The following NOTCH2 variants were observed in gnomAD, a reference collection of about 807,000 sequenced individuals.
NOTCH2 encodes neurogenic locus notch homolog protein 2.
Under a neutral mutation model 235.8 loss-of-function variants are expected in NOTCH2, and 29 were observed. The ratio of observed to expected loss-of-function variants is 0.12; its 90% CI spans 0.09 to 0.17. The LOEUF (loss-of-function observed/expected upper bound fraction) is 0.17. NOTCH2 is among the 10% of genes least tolerant of loss of function. NOTCH2 has a pLI of 1.00. For missense variants in NOTCH2, 2,285 were observed against 3,150.2 expected (o/e 0.73, Z 6.57); for synonymous variants, 1,086 against 1,141.5 (o/e 0.95, Z 0.98).
chr1:120,011,739 G>A (rs1690023), intron 2 of NOTCH2, among the ~76,000 whole-genome samples: 285 of 144,430 alleles, frequency 2.0e-3, no homozygotes, highest in African/African-American at 5.6e-3. Context: ...CAGCTAGGCC[G>A]GGCGCGGTGG....
At chr1:119,934,795 T>A (rs1001775104) in intron 22 of NOTCH2, among the ~76,000 whole-genome samples, 1 of 152,206 alleles carries the variant, frequency 6.6e-6, no homozygotes, top group Admixed American at 6.5e-5. Flanking sequence ...GGCCCCAGCA[T>A]AACTACATCC....
chr1:119,941,723 A>G lies in NOTCH2; in HGVS notation c.2784T>C (p.Asp928=). ...AGAGGCAGGAGAAAGTATTCACTCC[A>G]TCCATACAGGAACCTCCATTCTGGC... is the stretch of plus-strand genomic sequence containing the variant. ...NPCQNGGSCM[D]GVNTFSCLCL... Residue 928 remains aspartate, a synonymous_variant, in exon 18 of 34, where the codon GAT becomes GAC. Transcript: ENST00000256646. The G allele has an allele frequency of 6.2e-7, 1 of 1,614,112 alleles. No individual in the cohort carries two copies. Among genetic ancestry groups the G allele is most frequent in the South Asian group, 1.1e-5 (1 of 91,080 alleles).
At chr1:120,063,686 AAAAC>A (rs1484936108) in intron 1 of NOTCH2, among the ~76,000 whole-genome samples, 5 of 152,172 alleles carry the variant, frequency 3.3e-5, no homozygotes, top group Non-Finnish European at 7.3e-5. Context: ...ATACTCTCAA[AAAAC>A]AAACAAACAA....
chr1:120,048,190 G>A (rs1229052837), intron 1 of NOTCH2, among the ~76,000 whole-genome samples: 3 of 140,186 alleles, frequency 2.1e-5, no homozygotes, highest in African/African-American at 8.4e-5. Context: ...GTGACCTACA[G>A]TGAGAAATAT....
At chr1:119,972,409 T>C (rs77542178) in intron 5 of NOTCH2, among the ~76,000 whole-genome samples, 1,706 of 152,330 alleles carry the variant, frequency 0.011, 15 homozygotes, top group Non-Finnish European at 0.018. Context: ...ATTATACTTA[T>C]GCTAACTCAA....
intron 5 of NOTCH2, among the ~76,000 whole-genome samples, chr1:119,970,507 A>G (rs587605896): frequency 3.7e-4 from 57 of 152,308 alleles, no homozygotes; most frequent in African/African-American, 1.3e-3. Flanking sequence ...AAGTCCACCC[A>G]ATGTACTAGG....
intron 12 of NOTCH2, 59 bp from the exon 13 acceptor site, chr1:119,955,291 A>G (rs1650645892): frequency 6.5e-7 from 1 of 1,536,256 alleles, no homozygotes; most frequent in East Asian, 2.2e-5. Flanking sequence ...TAGACCCAGA[A>G]CTATAAGACA....
intron 1 of NOTCH2, among the ~76,000 whole-genome samples, chr1:120,033,369 C>A: frequency 9.2e-6 from 1 of 109,012 alleles, no homozygotes; most frequent in Non-Finnish European, 1.8e-5. Context: ...CGAGATTGCT[C>A]CACTGCACTC....
intron 13 of NOTCH2, among the ~76,000 whole-genome samples, chr1:119,954,340 G>A (rs1650600787): frequency 6.6e-6 from 1 of 152,150 alleles, no homozygotes; most frequent in Non-Finnish European, 1.5e-5. Flanking sequence ...TGCCTTGAAG[G>A]CTGCTATACT....
rs754686107 is a variant in NOTCH2, at chr1:119,923,884, G to C, written c.4612C>G (p.Gln1538Glu). The stretch of plus-strand genomic sequence containing the variant: ...GTACCTTCTGCCAGGTTCTCAGGTT[G>C]GTCAGCAGCACAGTCCAGCCCATCC... Reference protein sequence around the residue: ...GWDGLDCAADQPENLAEGTLV... With the variant: ...GWDGLDCAADEPENLAEGTLV... The change falls in exon 26 of 34, where the codon CAA (glutamine) becomes GAA (glutamate). Residue 1538 changes from glutamine (Q) to glutamate (E), a missense_variant. Physicochemically the swap from Gln to Glu is conservative, Grantham distance 29. Around this residue, in one of 6 missense-constraint regions of NOTCH2, gnomAD observed 1,173 missense variants for 1,515.3 expected, o/e 0.77. Coordinates refer to ENST00000256646, the MANE Select transcript of NOTCH2 (RefSeq NM_024408.4). 2 of 1,614,154 alleles carry C rather than the reference G, an allele frequency of 1.2e-6. No individual in the cohort carries two copies. Among genetic ancestry groups the C allele is most frequent in the Non-Finnish European group, 1.7e-6 (2 of 1,180,018 alleles).
intron 4 of NOTCH2, among the ~76,000 whole-genome samples, chr1:119,987,725 C>T (rs1333877373): frequency 3.9e-5 from 6 of 152,164 alleles, no homozygotes; most frequent in African/African-American, 1.4e-4. Flanking sequence ...ATAAGTGCCA[C>T]ATCATGAGTA....
intron 21 of NOTCH2, among the ~76,000 whole-genome samples, chr1:119,936,391 A>G (rs1570672832): frequency 2.0e-5 from 3 of 152,218 alleles, no homozygotes; most frequent in Admixed American, 2.0e-4. Context: ...GTATGGCCCC[A>G]GGGTATATCT....
chr1:119,998,829 TC>T (rs1553204757), intron 3 of NOTCH2, among the ~76,000 whole-genome samples: 1 of 142,492 alleles, frequency 7.0e-6, no homozygotes, highest in African/African-American at 2.7e-5. Context: ...CCTAATGCTA[TC>T]CCTCCCCCGT....
chr1:119,923,552 T>A, intron 26 of NOTCH2, 85 bp downstream of exon 26: 1 of 1,183,474 alleles, frequency 8.4e-7, no homozygotes, highest in East Asian at 2.3e-5. Flanking sequence ...TTTGCATTTC[T>A]ATAGGTTGAG....
chr1:119,919,637 A>C, intron 30 of NOTCH2, 24 bp from the exon 31 acceptor site: 1 of 1,610,656 alleles, frequency 6.2e-7, no homozygotes, highest in Non-Finnish European at 8.5e-7. Context: ...AAATTCCATA[A>C]AGTACTCAAG....
At position 119,955,029 on chromosome 1, in the gene NOTCH2, C is replaced by A. The variant is rs781925260; in HGVS notation, c.2219+11G>T. 6.2e-7 allele frequency: 1 copy of A among 1,612,980 alleles called. No homozygotes were observed. Among genetic ancestry groups the A allele is most frequent in the Non-Finnish European group, 8.5e-7 (1 of 1,179,642 alleles). On this transcript the variant is annotated intron_variant, in intron 13 of 33. Coordinates refer to ENST00000256646, the MANE Select transcript of NOTCH2 (RefSeq NM_024408.4). ...GTCAATAAGAAACTATCACATGGGG[C>A]AGCTACTCACCCACTGAGACCTCCA...
rs112156947 is a variant in NOTCH2 at position 119,941,390 on chromosome 1, TAGG to T, written c.2981+133_2981+135del. Reference sequence around the variant, plus strand: ...TTATCAGGAACCAGTAACCGGGCAATAGGAGATGACTGTGGACTGGGATCCATG... The same window carrying T: ...TTATCAGGAACCAGTAACCGGGCAATAGATGACTGTGGACTGGGATCCATG... On this transcript the variant is annotated intron_variant, in intron 18 of 33. Transcript: ENST00000256646. The T allele has an allele frequency of 3.9e-3, 2,823 of 716,826 alleles. 62 individuals are homozygous for T. The African/African-American group carries it at 0.043, about 11-fold the overall frequency. 44.4% of individuals were successfully genotyped at this position (716,826 alleles called of 1,614,324 possible).
chr1:119,984,030 T>C (rs1553201948), intron 5 of NOTCH2, among the ~76,000 whole-genome samples: 1 of 152,192 alleles, frequency 6.6e-6, no homozygotes, highest in African/African-American at 2.4e-5. Flanking sequence ...GCTTCAAGTC[T>C]ACAGGTGGAA....
In NOTCH2 at chr1:119,916,499, C is replaced by T. The variant is rs150516342; in HGVS notation, c.6223G>A (p.Val2075Met). Residue 2075 changes from valine (V) to methionine (M), a missense_variant, in exon 34 of 34, where the codon GTG becomes ATG. By Grantham distance (21) the Val-to-Met change is conservative. Around this residue, in one of 6 missense-constraint regions of NOTCH2, gnomAD observed 504 missense variants for 538.0 expected, o/e 0.94. Coordinates refer to ENST00000256646, the MANE Select transcript of NOTCH2 (RefSeq NM_024408.4). ...YNVTPSPPGTVLTSALSPVIC... is the reference protein window; with the variant it reads ...YNVTPSPPGTMLTSALSPVIC... ...ACAGGTGAGAGAGCAGAAGTCAACA[C>T]GGTGCCTGGAGGGCTTGGGGTCACA... 1.9e-3 allele frequency: 3,097 copies of T among 1,612,348 alleles called. 13 individuals carry two copies. Among genetic ancestry groups the T allele is most frequent in the Non-Finnish European group, 2.3e-3 (2,701 of 1,178,478 alleles).
Sources: gnomAD v4.1 joint callset for allele counts (sites outside exome capture counted in the v4.1 genomes callset) on GRCh38, gnomAD v4.1.1 for gene constraint, gnomAD v4.1.1 regional missense constraint, MANE v1.5 for transcripts, NCBI Gene and HGNC (gene_info 2026-07-23, HGNC 2026-07-21) for gene names.